Variants in TSHZ2 observed in about 807,000 individuals in gnomAD.
The protein encoded by TSHZ2 is teashirt zinc finger homeobox 2, also known as teashirt homolog 2.
In TSHZ2, 21 loss-of-function variants were observed where a neutral mutation model predicts 74.4. The ratio of observed to expected loss-of-function variants is 0.28; its 90% confidence interval spans 0.20 to 0.41. TSHZ2 has a LOEUF of 0.41. Among genes scored for constraint, TSHZ2 ranks in the 10% least tolerant of loss-of-function variants. The pLI, the probability that TSHZ2 is intolerant of heterozygous loss-of-function variation, is 1.00. For missense variants in TSHZ2, 1,244 were observed against 1,293.5 expected (o/e 0.96, Z 0.59); for synonymous variants, 540 against 515.3 (o/e 1.05, Z -0.65).
intron 2 of TSHZ2, among the ~76,000 whole-genome samples, chr20:53,457,878 T>C (rs1985169374): frequency 6.6e-6 from 1 of 151,104 alleles, no homozygotes; most frequent in African/African-American, 2.4e-5. Context: ...TTTGCCTATA[T>C]TGAACCAGCC....
chr20:53,438,399 G>A (rs1270726909), intron 2 of TSHZ2, among the ~76,000 whole-genome samples: 1 of 152,136 alleles, frequency 6.6e-6, no homozygotes, highest in African/African-American at 2.4e-5. Flanking sequence ...CAGCCTGCAA[G>A]GGCATAATTT....
At chr20:53,109,912 C>G (rs1986483918) in intron 1 of TSHZ2, among the ~76,000 whole-genome samples, 1 of 152,228 alleles carries the variant, frequency 6.6e-6, no homozygotes, top group South Asian at 2.1e-4. Flanking sequence ...CTCAGCTCAT[C>G]TCCTCTTTAC....
At chr20:53,238,236 T>C (rs1186814538) in intron 1 of TSHZ2, among the ~76,000 whole-genome samples, 2 of 152,160 alleles carry the variant, frequency 1.3e-5, no homozygotes, top group Non-Finnish European at 2.9e-5. Flanking sequence ...TTGAGCACCA[T>C]CTATCGAACA....
chr20:53,487,912 AAT>A lies in TSHZ2; in HGVS notation c.*779_*780del, dbSNP rs1986336680. The A allele has an allele frequency of 1.3e-5, 2 of 152,194 alleles. No individual in the cohort carries two copies. The highest frequency in any genetic ancestry group is 4.1e-4 in the South Asian group (2 of 4,828). The allele number at this position is 152,194 out of a possible 1,614,324, so 9.4% of individuals were successfully genotyped here. A position where few individuals can be genotyped will look rare whatever the true frequency, so the allele number is the denominator to read the frequency against. ...CATTATCTTGATTGGCTGAAAAAAA[AAT>A]AGTTTTAAGCACACACCACTGTCTA... On this transcript the variant is annotated 3_prime_UTR_variant, in exon 3 of 3. Coordinates refer to ENST00000371497, the MANE Select transcript of TSHZ2 (RefSeq NM_173485.6).
At chr20:53,019,239 G>T (rs1983147622) in intron 1 of TSHZ2, among the ~76,000 whole-genome samples, 1 of 128,112 alleles carries the variant, frequency 7.8e-6, no homozygotes, top group Non-Finnish European at 1.6e-5. Flanking sequence ...ACAAGTGTTA[G>T]TTGCCTGGGT....
rs201808124 is a variant in TSHZ2, at chr20:53,248,832, T to TATTTC, written c.41-4647_41-4643dup. Reference sequence around the variant, plus strand: ...ATGATTTATGGGGATGCTCTGGTATTATTTCATTTCATTTCATTTCATTTT... The same window carrying TATTTC: ...ATGATTTATGGGGATGCTCTGGTATTATTTCATTTCATTTCATTTCATTTCATTTT... On this transcript the variant is annotated intron_variant, in intron 1 of 2. Transcript: ENST00000371497. 1.5e-3 allele frequency among the ~76,000 whole-genome samples: 233 copies of TATTTC among 152,278 alleles called. 2 individuals are homozygous for TATTTC. Among genetic ancestry groups the TATTTC allele is most frequent in the East Asian group, 0.015 (77 of 5,176 alleles).
intron 1 of TSHZ2, among the ~76,000 whole-genome samples, chr20:53,166,041 G>A (rs1441836956): frequency 6.6e-6 from 1 of 152,170 alleles, no homozygotes; most frequent in Non-Finnish European, 1.5e-5. Flanking sequence ...CTTTGTTCCT[G>A]CAATGACTTA....
At chr20:53,459,265 G>A (rs1985250029) in intron 2 of TSHZ2, among the ~76,000 whole-genome samples, 1 of 152,126 alleles carries the variant, frequency 6.6e-6, no homozygotes, top group Admixed American at 6.6e-5. Context: ...TATATATTTA[G>A]GATAGTTAGC....
chr20:53,250,670 G>A (rs1457241158), intron 1 of TSHZ2, among the ~76,000 whole-genome samples: 1 of 152,054 alleles, frequency 6.6e-6, no homozygotes, highest in African/African-American at 2.4e-5. Flanking sequence ...CTTCTGTAAA[G>A]GTTATAGTAA....
At chr20:53,225,234 C>G (rs1989658007) in intron 1 of TSHZ2, among the ~76,000 whole-genome samples, 1 of 152,154 alleles carries the variant, frequency 6.6e-6, no homozygotes, top group Non-Finnish European at 1.5e-5. Context: ...GAAGGCAGAC[C>G]CACTCTTCTT....
intron 1 of TSHZ2, among the ~76,000 whole-genome samples, chr20:53,007,420 A>G (rs1158744599): frequency 1.3e-5 from 2 of 152,222 alleles, no homozygotes; most frequent in Non-Finnish European, 2.9e-5. Flanking sequence ...TGGGCCATAA[A>G]GAGTTAACAA....
At chr20:53,139,302 CTTG>C (rs1987330147) in intron 1 of TSHZ2, among the ~76,000 whole-genome samples, 4 of 152,174 alleles carry the variant, frequency 2.6e-5, no homozygotes, top group African/African-American at 9.7e-5. Flanking sequence ...ATAGTAAGTA[CTTG>C]TTATTTCCTG....
chr20:53,356,670 T>C (rs1980858297), intron 2 of TSHZ2, among the ~76,000 whole-genome samples: 1 of 152,130 alleles, frequency 6.6e-6, no homozygotes, highest in African/African-American at 2.4e-5. Flanking sequence ...CTATGTCTTA[T>C]GCATGTCCAT....
At chr20:53,476,507 T>C (rs1344297912) in intron 2 of TSHZ2, among the ~76,000 whole-genome samples, 1 of 151,380 alleles carries the variant, frequency 6.6e-6, no homozygotes, top group African/African-American at 2.4e-5. Flanking sequence ...ATGGGACGTA[T>C]TTCAAAATAA....
chr20:53,253,375 T>G lies in TSHZ2; in HGVS notation c.41-124T>G. 2.1e-6 allele frequency: 3 copies of G among 1,448,830 alleles called. No homozygotes were observed. The South Asian group carries it at 4.5e-5, about 22-fold the overall frequency. 89.7% of individuals were successfully genotyped at this position (1,448,830 alleles called of 1,614,324 possible). ...CTTTTCCTGTGTCCACTGCTCACAG[T>G]GCATAAAAATGTAGATTAAATCACC... is the stretch of plus-strand genomic sequence containing the variant. On this transcript the variant is annotated intron_variant, in intron 1 of 2. Transcript: ENST00000371497.
intron 1 of TSHZ2, among the ~76,000 whole-genome samples, chr20:53,221,228 C>CA (rs113884688): frequency 3.2e-4 from 49 of 152,138 alleles, no homozygotes; most frequent in East Asian, 1.2e-3. Context: ...AGGCCCCCCC[C>CA]GCCATGTAGA....
At chr20:53,229,978 GAA>G (rs1477475798) in intron 1 of TSHZ2, among the ~76,000 whole-genome samples, 1 of 136,250 alleles carries the variant, frequency 7.3e-6, no homozygotes. Context: ...GGAAGAGAAA[GAA>G]AAGAAAGAGG....
intron 1 of TSHZ2, among the ~76,000 whole-genome samples, chr20:53,211,282 G>A (rs999546497): frequency 3.3e-5 from 5 of 152,130 alleles, no homozygotes; most frequent in East Asian, 1.9e-4. Flanking sequence ...TTAAACCTCC[G>A]ATGAAAGATA....
At chr20:53,030,012 C>T (rs1032321711) in intron 1 of TSHZ2, among the ~76,000 whole-genome samples, 2 of 152,186 alleles carry the variant, frequency 1.3e-5, no homozygotes, top group Non-Finnish European at 2.9e-5. Context: ...CTTGTTTTAA[C>T]ATCTGTGACG....
Sources: gnomAD v4.1 joint callset for allele counts (sites outside exome capture counted in the v4.1 genomes callset) on GRCh38, gnomAD v4.1.1 for gene constraint, MANE v1.5 for transcripts, NCBI Gene and HGNC (gene_info 2026-07-23, HGNC 2026-07-21) for gene names.